The following DLG2 variants were observed in gnomAD, a reference collection of about 807,000 sequenced individuals.
DLG2 encodes disks large homolog 2.
Under a neutral mutation model 132.5 loss-of-function variants are expected in DLG2, and 45 were observed. That is an observed-to-expected ratio of 0.34 (90% confidence interval 0.27 to 0.44). The LOEUF is 0.44. Ranked by LOEUF, DLG2 falls within the 20% of genes least tolerant of loss-of-function variation. The pLI, the probability that DLG2 is intolerant of heterozygous loss-of-function variation, is 1.00. For synonymous variants in DLG2, 424 were observed against 419.6 expected, an observed-to-expected ratio of 1.01 and a Z score of -0.13; for missense variants, 1,045 against 1,196.9, an observed-to-expected ratio of 0.87 and a Z score of 1.87.
At chr11:84,954,718 G>C (rs1210284892) in intron 6 of DLG2, among the ~76,000 whole-genome samples, 3 of 152,112 alleles carry the variant, frequency 2.0e-5, no homozygotes, top group African/African-American at 7.2e-5. Context: ...GTATTGTCTA[G>C]ACAGTCCCCT....
intron 11 of DLG2, among the ~76,000 whole-genome samples, chr11:84,045,116 T>C (rs1483410): frequency 0.13 from 20,026 of 151,776 alleles, 2,251 homozygotes; most frequent in African/African-American, 0.31. Context: ...AGTATGCACA[T>C]TGTGTTTCAT....
At chr11:84,809,719 T>C (rs963680129) in intron 6 of DLG2, among the ~76,000 whole-genome samples, 2 of 152,006 alleles carry the variant, frequency 1.3e-5, no homozygotes, top group African/African-American at 4.8e-5. Context: ...TATCAAAAAC[T>C]ATAAAATAAT....
intron 5 of DLG2, among the ~76,000 whole-genome samples, chr11:85,114,669 A>G (rs189767360): frequency 4.6e-5 from 7 of 151,970 alleles, no homozygotes; most frequent in Admixed American, 2.6e-4. Context: ...GAATCTTGAC[A>G]TATTTCATTC....
chr11:84,102,651 C>A (rs2092626389), intron 9 of DLG2, among the ~76,000 whole-genome samples: 2 of 152,060 alleles, frequency 1.3e-5, no homozygotes, highest in African/African-American at 2.4e-5. Context: ...GTGAAGGACC[C>A]AGGCATTTAT....
intron 6 of DLG2, among the ~76,000 whole-genome samples, chr11:84,637,059 A>G (rs895674194): frequency 6.6e-6 from 1 of 151,642 alleles, no homozygotes; most frequent in Non-Finnish European, 1.5e-5. Context: ...GAGTGCTGGG[A>G]TTATAGGTGT....
At chr11:83,577,471 A>AT (rs2096891325) in intron 19 of DLG2, among the ~76,000 whole-genome samples, 5 of 140,218 alleles carry the variant, frequency 3.6e-5, no homozygotes, top group Non-Finnish European at 7.6e-5. Context: ...ATATATATAT[A>AT]AAATAGGATA....
chr11:85,125,806 TACACACACACAC>T (rs71465021), intron 5 of DLG2, among the ~76,000 whole-genome samples: 19,675 of 148,590 alleles, frequency 0.13, 1,464 homozygotes, highest in South Asian at 0.29. Flanking sequence ...CCAGACATTA[TACACACACACAC>T]ACACACACAC....
intron 19 of DLG2, among the ~76,000 whole-genome samples, chr11:83,581,775 C>T (rs548661360): frequency 6.6e-6 from 1 of 152,052 alleles, no homozygotes; most frequent in Non-Finnish European, 1.5e-5. Flanking sequence ...TGAGGAAATA[C>T]CTACTGTTTC....
intron 11 of DLG2, among the ~76,000 whole-genome samples, chr11:84,003,051 T>C (rs1192010054): frequency 6.6e-6 from 1 of 152,168 alleles, no homozygotes; most frequent in Non-Finnish European, 1.5e-5. Flanking sequence ...CCCTAAATCA[T>C]CTCTCTTAAG....
At chr11:83,709,754 T>C (rs2153660330) in intron 18 of DLG2, among the ~76,000 whole-genome samples, 1 of 152,276 alleles carries the variant, frequency 6.6e-6, no homozygotes, top group East Asian at 1.9e-4. Flanking sequence ...ACTTGATGTA[T>C]CTGGAAGTGA....
chr11:85,137,945 A>C (rs2076231864), intron 5 of DLG2, among the ~76,000 whole-genome samples: 1 of 152,184 alleles, frequency 6.6e-6, no homozygotes. Context: ...CTATCATTAA[A>C]AAAATCAGGA....
intron 7 of DLG2, among the ~76,000 whole-genome samples, chr11:84,402,900 A>AAAAAAAAAAAAT: frequency 6.6e-6 from 1 of 150,864 alleles, no homozygotes; most frequent in African/African-American, 2.5e-5. Context: ...AAAAAAAAAA[A>AAAAAAAAAAAAT]ATTAACTCAG....
chr11:83,854,415 A>C (rs1363999667), intron 16 of DLG2, among the ~76,000 whole-genome samples: 1 of 152,190 alleles, frequency 6.6e-6, no homozygotes, highest in Non-Finnish European at 1.5e-5. Flanking sequence ...ATATTGAAAG[A>C]AAAAACAAAT....
At chr11:85,192,208 TG>T (rs997737491) in intron 4 of DLG2, among the ~76,000 whole-genome samples, 7 of 152,216 alleles carry the variant, frequency 4.6e-5, no homozygotes, top group Non-Finnish European at 2.9e-5. Context: ...TTAACTTCTT[TG>T]TGCATTGGTT....
intron 4 of DLG2, among the ~76,000 whole-genome samples, chr11:85,274,673 T>G (rs2077772854): frequency 6.6e-6 from 1 of 152,126 alleles, no homozygotes; most frequent in Non-Finnish European, 1.5e-5. Flanking sequence ...ACCCCAAATC[T>G]CTTCCCCAAG....
chr11:84,350,020 A>G (rs1340929048), intron 7 of DLG2, among the ~76,000 whole-genome samples: 1 of 152,020 alleles, frequency 6.6e-6, no homozygotes, highest in East Asian at 1.9e-4. Context: ...TACTAAAAAT[A>G]CAAAAAAATT....
chr11:84,866,816 G>A (rs902632896), intron 6 of DLG2, among the ~76,000 whole-genome samples: 7 of 152,168 alleles, frequency 4.6e-5, no homozygotes, highest in African/African-American at 1.7e-4. Context: ...AATCCAGAGA[G>A]GCTGTGAAAT....
intron 3 of DLG2, among the ~76,000 whole-genome samples, chr11:85,589,194 G>A (rs1036497471): frequency 1.3e-5 from 2 of 152,332 alleles, no homozygotes; most frequent in African/African-American, 4.8e-5. Context: ...TAGGACCACT[G>A]GTTAGCCAGG....
intron 17 of DLG2, among the ~76,000 whole-genome samples, chr11:83,810,722 A>G (rs1354817620): frequency 6.6e-6 from 1 of 152,094 alleles, no homozygotes; most frequent in Non-Finnish European, 1.5e-5. Flanking sequence ...GCCTTTTCCC[A>G]TGCAAAAGTC....
Sources: allele counts gnomAD v4.1 joint callset (sites outside exome capture counted in the v4.1 genomes callset), GRCh38; gene constraint gnomAD v4.1.1; transcripts MANE v1.5; gene names NCBI Gene and HGNC (gene_info 2026-07-23, HGNC 2026-07-21).